Variants in BCKDHB observed in about 807,000 individuals in gnomAD.
The protein encoded by BCKDHB is 2-oxoisovalerate dehydrogenase subunit beta, mitochondrial.
BCKDHB carries 41 observed loss-of-function variants against 48.5 expected under a neutral mutation model. That is an observed-to-expected ratio of 0.85 (90% CI 0.66 to 1.10). The LOEUF is 1.10. BCKDHB is among the 50% of genes least tolerant of loss of function. BCKDHB has a pLI of 0.00. For synonymous variants in BCKDHB, 201 were observed against 174.8 expected (o/e 1.15, Z -1.18); for missense variants, 496 against 494.2 (o/e 1.00, Z -0.03).
the BCKDHB span, among the ~76,000 whole-genome samples, chr6:80,351,697 C>T: frequency 7.0e-6 from 1 of 142,428 alleles, no homozygotes; most frequent in African/African-American, 2.6e-5. Context: ...GGCTGGAGTG[C>T]AGTGGTATGA....
At chr6:80,464,784 T>A in the BCKDHB span, among the ~76,000 whole-genome samples, 1 of 152,180 alleles carries the variant, frequency 6.6e-6, no homozygotes, top group African/African-American at 2.4e-5. Flanking sequence ...AGATAGAGCC[T>A]CAGGTAAGAA....
intron 9 of BCKDHB, chr6:80,308,044 T>C (rs2127994932): frequency 2.3e-6 from 1 of 443,644 alleles, no homozygotes; most frequent in Admixed American, 6.4e-5. Flanking sequence ...GATAGTCTAG[T>C]GAGAAATAAA....
In BCKDHB at chr6:80,106,707, C is replaced by T. The variant is rs189864392; in HGVS notation, c.14C>T (p.Ala5Val). 14 of 1,550,588 alleles carry T rather than the reference C, an allele frequency of 9.0e-6. No homozygotes were observed. In the East Asian group the frequency reaches 9.8e-5, roughly 11 times the overall value. The change falls in exon 1 of 10, where the codon GCG (alanine) becomes GTG (valine). Residue 5 changes from alanine to valine, a missense_variant. Physicochemically the swap from Ala to Val is moderately conservative, Grantham distance 64. Transcript: ENST00000320393. ...TGGTGAGCGGGGATGGCGGTTGTAG[C>T]GGCGGCTGCCGGCTGGCTACTCAGG... is the stretch of plus-strand genomic sequence containing the variant. MAVV[A>V]AAAGWLLRLR...
At chr6:80,307,024 G>A (rs1323356635) in intron 9 of BCKDHB, among the ~76,000 whole-genome samples, 4 of 152,088 alleles carry the variant, frequency 2.6e-5, no homozygotes, top group Non-Finnish European at 5.9e-5. Flanking sequence ...ATATTGAGCC[G>A]GGGTCCTCAA....
At chr6:80,373,976 T>G in the BCKDHB span, 1 of 569,920 alleles carries the variant, frequency 1.8e-6, no homozygotes. Context: ...TCTGTGTCTT[T>G]TCTTTTTCCT....
chr6:80,225,113 C>T (rs1189220789), intron 8 of BCKDHB, among the ~76,000 whole-genome samples: 3 of 152,156 alleles, frequency 2.0e-5, no homozygotes, highest in African/African-American at 2.4e-5. Flanking sequence ...TTAAGCATTC[C>T]ATCCGTTCCT....
the BCKDHB span, among the ~76,000 whole-genome samples, chr6:80,376,599 G>A: frequency 2.0e-5 from 3 of 151,530 alleles, no homozygotes; most frequent in Non-Finnish European, 4.4e-5. Flanking sequence ...GTGAATTTCT[G>A]CATACTGCTC....
At chr6:80,407,420 G>A in the BCKDHB span, among the ~76,000 whole-genome samples, 1 of 152,064 alleles carries the variant, frequency 6.6e-6, no homozygotes, top group East Asian at 1.9e-4. Context: ...TGATGGGGAT[G>A]GCATTGAATC....
Position 80,295,713 on chromosome 6 carries a change from A to G in BCKDHB, c.1038+22492A>G, listed in dbSNP as rs185254074. Among the ~76,000 whole-genome samples the G allele has an allele frequency of 3.9e-4, 59 of 152,180 alleles. No individual in the cohort carries two copies. In the Middle Eastern group the frequency reaches 0.01, roughly 27 times the overall value. ...ACTCACAACTAGTTTGCAAATTTGG[A>G]GAAAGTAGGTAGAAACAAATACGCT... On this transcript the variant is annotated intron_variant, in intron 9 of 9. Coordinates refer to ENST00000320393, the MANE Select transcript of BCKDHB (RefSeq NM_183050.4).
intron 8 of BCKDHB, among the ~76,000 whole-genome samples, chr6:80,254,907 T>G (rs957535687): frequency 1.3e-5 from 2 of 152,054 alleles, no homozygotes; most frequent in African/African-American, 4.8e-5. Context: ...TTCAGCCAGA[T>G]AGACAGACAG....
chr6:80,458,723 GT>G, the BCKDHB span, among the ~76,000 whole-genome samples: 1 of 152,126 alleles, frequency 6.6e-6, no homozygotes, highest in African/African-American at 2.4e-5. Flanking sequence ...TACTAATAGT[GT>G]TTGATTACAT....
At chr6:80,444,589 C>T in the BCKDHB span, among the ~76,000 whole-genome samples, 6 of 152,144 alleles carry the variant, frequency 3.9e-5, no homozygotes, top group Non-Finnish European at 8.8e-5. Context: ...CTGTTAAATT[C>T]GTGTGAAATT....
rs201636817 is a variant in BCKDHB at position 80,343,840 on chromosome 6, A to G, written c.*36A>G. The G allele has an allele frequency of 8.1e-6, 13 of 1,610,854 alleles. No individual in the cohort carries two copies. The highest frequency in any genetic ancestry group is 2.2e-5 in the East Asian group (1 of 44,800). On this transcript the variant is annotated 3_prime_UTR_variant, in exon 10 of 10. Transcript: ENST00000320393. ...AGGTATGCATCTTGAGAAAGCTACT[A>G]TGTGCCCCTGACATTAACGTACTGT... is the stretch of plus-strand genomic sequence containing the variant.
chr6:80,355,247 A>T, the BCKDHB span, among the ~76,000 whole-genome samples: 1 of 152,118 alleles, frequency 6.6e-6, no homozygotes, highest in East Asian at 1.9e-4. Flanking sequence ...TAAAAACACA[A>T]AAATTAACTG....
the BCKDHB span, among the ~76,000 whole-genome samples, chr6:80,427,332 A>C: frequency 6.6e-6 from 1 of 152,038 alleles, no homozygotes; most frequent in Non-Finnish European, 1.5e-5. Flanking sequence ...ATACTATAAC[A>C]CTTTATATAT....
intron 6 of BCKDHB, among the ~76,000 whole-genome samples, chr6:80,173,305 AG>A (rs1773002939): frequency 6.6e-6 from 1 of 152,146 alleles, no homozygotes; most frequent in East Asian, 1.9e-4. Context: ...TATCATTTCA[AG>A]GATTCTAACT....
At chr6:80,419,675 T>C in the BCKDHB span, among the ~76,000 whole-genome samples, 3 of 152,132 alleles carry the variant, frequency 2.0e-5, no homozygotes, top group Non-Finnish European at 4.4e-5. Context: ...GTTTGAGGGG[T>C]CTCTTCCTGC....
chr6:80,388,924 A>C, the BCKDHB span, among the ~76,000 whole-genome samples: 1 of 152,208 alleles, frequency 6.6e-6, no homozygotes, highest in Non-Finnish European at 1.5e-5. Flanking sequence ...GCATGGAAGG[A>C]GAAATGGCCA....
chr6:80,385,577 A>G, the BCKDHB span, among the ~76,000 whole-genome samples: 1 of 152,130 alleles, frequency 6.6e-6, no homozygotes, highest in Admixed American at 6.6e-5. Context: ...GTCTGAGGAG[A>G]TAAACCCTGC....
Sources: allele counts gnomAD v4.1 joint callset (sites outside exome capture counted in the v4.1 genomes callset), GRCh38; gene constraint gnomAD v4.1.1; transcripts MANE v1.5; gene names NCBI Gene and HGNC (gene_info 2026-07-23, HGNC 2026-07-21).